Variants in COMMD1 observed in about 807,000 individuals in gnomAD.
COMMD1 encodes the protein COMM domain-containing protein 1.
A neutral mutation model predicts 17.2 loss-of-function variants in COMMD1; 10 were observed. That is an observed-to-expected ratio of 0.58 (90% CI 0.36 to 0.99). The LOEUF (loss-of-function observed/expected upper bound fraction) is 0.99, where lower values mean the gene tolerates loss of function less well. Among genes scored for constraint, COMMD1 ranks in the 50% least tolerant of loss-of-function variants. COMMD1 has a pLI of 0.01. For missense variants in COMMD1, 270 were observed against 231.8 expected (o/e 1.17, Z -1.07); for synonymous variants, 97 against 91.6 (o/e 1.06, Z -0.34).
At chr2:62,085,296 T>C (rs1290821752) in intron 2 of COMMD1, among the ~76,000 whole-genome samples, 4 of 151,670 alleles carry the variant, frequency 2.6e-5, no homozygotes, top group Non-Finnish European at 4.4e-5. Context: ...CTGCTCACTG[T>C]AAGCTCCACC....
In COMMD1 at chr2:62,032,396, C is replaced by T. The variant is rs566874764; in HGVS notation, c.462+31414C>T. ...ACAAAAAATGTAAAAATTAGCCAAG[C>T]GTGGTGGCATGCGCCTGTAATCCTA... On this transcript the variant is annotated intron_variant, in intron 2 of 2. Transcript: ENST00000311832. 2.6e-3 allele frequency among the ~76,000 whole-genome samples: 399 copies of T among 152,214 alleles called. 1 individual carries two copies. The highest frequency in any genetic ancestry group is 3.0e-3 in the Non-Finnish European group (204 of 68,002).
At chr2:61,901,989 C>T (rs1490393877), upstream of COMMD1, among the ~76,000 whole-genome samples, 1 of 151,876 alleles carries the variant, frequency 6.6e-6, no homozygotes, top group Non-Finnish European at 1.5e-5. Context: ...CGCGCCATCA[C>T]GCCCAGCTAA....
At chr2:62,023,285 A>C (rs1669663341) in intron 2 of COMMD1, among the ~76,000 whole-genome samples, 1 of 151,984 alleles carries the variant, frequency 6.6e-6, no homozygotes, top group Non-Finnish European at 1.5e-5. Context: ...GGTACCCCTG[A>C]GGAGTGGAAA....
chr2:61,889,202 C>CTTTTTTT lies in COMMD1; in HGVS notation n.119+378_119+384dup, dbSNP rs34949326. On this transcript the variant is annotated intron_variant and non_coding_transcript_variant, in intron 1 of 2. Transcript: ENST00000472729. ...ACAGGCGTCAGCCACGAAGCCCGGCCTTTTTTTTTTTTTTTTTTTTTTTTG... is the reference window on the plus strand; with the variant it reads ...ACAGGCGTCAGCCACGAAGCCCGGCCTTTTTTTTTTTTTTTTTTTTTTTTTTTTTTTG... 6.1e-3 allele frequency among the ~76,000 whole-genome samples: 335 copies of CTTTTTTT among 54,782 alleles called. 59 individuals are homozygous for CTTTTTTT. Among genetic ancestry groups the CTTTTTTT allele is most frequent in the African/African-American group, 9.9e-3 (129 of 13,074 alleles). The allele number at this position is 54,782 out of a possible 152,430, so 35.9% of individuals were successfully genotyped here.
chr2:61,905,776 A>T lies in COMMD1; in HGVS notation c.98A>T (p.Glu33Val), dbSNP rs763530992. The T allele has an allele frequency of 3.7e-5, 59 of 1,614,048 alleles. No homozygotes were observed. Among genetic ancestry groups the T allele is most frequent in the East Asian group, 2.7e-4 (12 of 44,894 alleles). Residue 33 changes from glutamate to valine, a missense_variant, in exon 1 of 3, where the codon GAG (glutamate) becomes GTG (valine). Glu to Val is a moderately radical substitution (Grantham distance 121, BLOSUM62 -2). Transcript: ENST00000311832. ...CACGGGTACCCCGGCATCACAGAGG[A>T]GCTGCTACGGAGCCAGCTATATCCA... ...TFHGYPGITE[E>V]LLRSQLYPEV... is the part of the protein sequence containing the mutation.
chr2:61,960,004 A>G (rs1171212703), intron 1 of COMMD1, among the ~76,000 whole-genome samples: 1 of 152,154 alleles, frequency 6.6e-6, no homozygotes, highest in Non-Finnish European at 1.5e-5. Flanking sequence ...TTGCCCAGGG[A>G]TAGTTAAGGA....
chr2:62,003,854 C>T (rs755385084), intron 2 of COMMD1, among the ~76,000 whole-genome samples: 12 of 152,128 alleles, frequency 7.9e-5, no homozygotes, highest in Non-Finnish European at 1.6e-4. Context: ...TTCTAGGTTA[C>T]AGGTTGCTCG....
chr2:61,939,910 G>A (rs1670698830), intron 1 of COMMD1, among the ~76,000 whole-genome samples: 1 of 152,064 alleles, frequency 6.6e-6, no homozygotes, highest in East Asian at 1.9e-4. Flanking sequence ...ACAAAAAGAG[G>A]GTCCTTGCTT....
At chr2:62,099,345 G>C (rs973862237) in intron 2 of COMMD1, among the ~76,000 whole-genome samples, 4 of 152,142 alleles carry the variant, frequency 2.6e-5, no homozygotes, top group African/African-American at 9.7e-5. Context: ...TGATTCGGGA[G>C]CCTCAGTTTT....
chr2:62,066,128 C>A (rs1671031270), intron 2 of COMMD1, among the ~76,000 whole-genome samples: 1 of 152,102 alleles, frequency 6.6e-6, no homozygotes, highest in South Asian at 2.1e-4. Context: ...CTTATTTCTT[C>A]TGAAAGATAA....
chr2:61,999,674 C>T (rs533687164), intron 1 of COMMD1, among the ~76,000 whole-genome samples: 45 of 152,206 alleles, frequency 3.0e-4, no homozygotes, highest in African/African-American at 1.0e-3. Context: ...AGCTGTCCTC[C>T]TGCCTCAGCT....
At chr2:61,902,007 AT>A (rs1397800745), upstream of COMMD1, among the ~76,000 whole-genome samples, 1 of 151,550 alleles carries the variant, frequency 6.6e-6, no homozygotes, top group Non-Finnish European at 1.5e-5. Context: ...TAATTTTTGT[AT>A]TTTTAGTAGA....
intron 1 of COMMD1, among the ~76,000 whole-genome samples, chr2:61,890,513 C>T (rs542789547): frequency 6.6e-6 from 1 of 152,192 alleles, no homozygotes; most frequent in African/African-American, 2.4e-5. Context: ...CGAGAGCCAC[C>T]TCGCCAAGTT....
At chr2:62,042,507 G>T (rs1670248900) in intron 2 of COMMD1, among the ~76,000 whole-genome samples, 2 of 152,190 alleles carry the variant, frequency 1.3e-5, no homozygotes, top group South Asian at 4.1e-4. Context: ...AGCCCAGCAG[G>T]TGCTGGCGGG....
At chr2:62,108,305 C>G (rs1672371107) in intron 2 of COMMD1, among the ~76,000 whole-genome samples, 1 of 152,022 alleles carries the variant, frequency 6.6e-6, no homozygotes, top group Non-Finnish European at 1.5e-5. Flanking sequence ...GTTTCAGTGT[C>G]TGGGGCCCTG....
intron 2 of COMMD1, among the ~76,000 whole-genome samples, chr2:62,010,844 C>G (rs1014519219): frequency 6.6e-6 from 1 of 152,240 alleles, no homozygotes; most frequent in Non-Finnish European, 1.5e-5. Flanking sequence ...GTCTCTGTTT[C>G]TGCTTTTCAG....
intron 1 of COMMD1, among the ~76,000 whole-genome samples, chr2:61,920,981 ATT>A (rs61439372): frequency 0.14 from 19,302 of 140,960 alleles, 1,336 homozygotes; most frequent in East Asian, 0.2. Context: ...ATATATATAT[ATT>A]TTTTTTTTTT....
chr2:62,098,304 A>G (rs975856981), intron 2 of COMMD1, among the ~76,000 whole-genome samples: 2 of 151,826 alleles, frequency 1.3e-5, no homozygotes, highest in African/African-American at 4.8e-5. Flanking sequence ...GATTACAGGC[A>G]TGCGCCACCA....
intron 1 of COMMD1, among the ~76,000 whole-genome samples, chr2:61,963,942 T>A (rs894132238): frequency 1.3e-5 from 2 of 152,204 alleles, no homozygotes; most frequent in Non-Finnish European, 2.9e-5. Flanking sequence ...AATGGAAAAC[T>A]ACAGTCTTCC....
Sources: gnomAD v4.1 joint callset for allele counts (sites outside exome capture counted in the v4.1 genomes callset) on GRCh38, gnomAD v4.1.1 for gene constraint, MANE v1.5 for transcripts, NCBI Gene and HGNC (gene_info 2026-07-23, HGNC 2026-07-21) for gene names.